Variants in NXPH1 observed in about 807,000 individuals in gnomAD.
NXPH1 encodes neurexophilin 1, also known as neurexophilin-1.
Under a neutral mutation model 23.7 loss-of-function variants are expected in NXPH1, and 5 were observed. The ratio of observed to expected loss-of-function variants is 0.21; its 90% CI spans 0.11 to 0.44. The LOEUF (loss-of-function observed/expected upper bound fraction) is 0.44. Among genes scored for constraint, NXPH1 ranks in the 20% least tolerant of loss-of-function variants. The pLI, the probability that NXPH1 is intolerant of heterozygous loss-of-function variation, is 0.99. For synonymous variants in NXPH1, 144 were observed against 122.2 expected (o/e 1.18, Z -1.18); for missense variants, 324 against 321.6 (o/e 1.01, Z -0.06).
chr7:8,600,044 G>A (rs898221700), intron 2 of NXPH1, among the ~76,000 whole-genome samples: 1 of 151,920 alleles, frequency 6.6e-6, no homozygotes, highest in Non-Finnish European at 1.5e-5. Context: ...CGTTGGTGGA[G>A]GGTATTTTCC....
At chr7:8,540,815 C>T (rs192006152) in intron 2 of NXPH1, among the ~76,000 whole-genome samples, 1 of 151,816 alleles carries the variant, frequency 6.6e-6, no homozygotes, top group Admixed American at 6.6e-5. Context: ...TTGAAAACCT[C>T]ATGATTCATG....
chr7:8,584,238 G>T (rs1192694145), intron 2 of NXPH1, among the ~76,000 whole-genome samples: 2 of 152,116 alleles, frequency 1.3e-5, no homozygotes, highest in Non-Finnish European at 2.9e-5. Flanking sequence ...TAGATAGTCA[G>T]ACTGTAGAGC....
At chr7:8,474,587 C>G (rs1046626801) in intron 2 of NXPH1, among the ~76,000 whole-genome samples, 2 of 152,124 alleles carry the variant, frequency 1.3e-5, no homozygotes, top group Non-Finnish European at 2.9e-5. Context: ...GGTTGATGCT[C>G]TGCAAACTAC....
chr7:8,686,494 C>T (rs1030643318), intron 2 of NXPH1, among the ~76,000 whole-genome samples: 2 of 151,990 alleles, frequency 1.3e-5, no homozygotes, highest in South Asian at 4.1e-4. Flanking sequence ...AATATAGTGC[C>T]TGGTTTTGTT....
In NXPH1 at chr7:8,751,278, A is replaced by G. The variant is rs752863874; in HGVS notation, c.325A>G (p.Ile109Val). 4 of 1,613,934 alleles carry G rather than the reference A, an allele frequency of 2.5e-6. No homozygotes were observed. Among genetic ancestry groups the G allele is most frequent in the Non-Finnish European group, 1.7e-6 (2 of 1,179,842 alleles). Reference protein sequence around the residue: ...EPRPRAKRRPIVKTGKFKKMF... With the variant: ...EPRPRAKRRPVVKTGKFKKMF... ...TCGGCCCAGGGCCAAGAGAAGGCCC[A>G]TTGTTAAAACGGGCAAGTTTAAGAA... The change falls in exon 3 of 3, where the codon ATT becomes GTT. Residue 109 changes from isoleucine to valine, a missense_variant. By Grantham distance (29) the Ile-to-Val change is conservative. Coordinates refer to ENST00000405863, the MANE Select transcript of NXPH1 (RefSeq NM_152745.3). This position sits in a 1 kb window ranked among gnomAD's most constrained non-coding sequence, Gnocchi z 4.5.
At chr7:8,551,512 C>T (rs749614085) in intron 2 of NXPH1, among the ~76,000 whole-genome samples, 13 of 151,302 alleles carry the variant, frequency 8.6e-5, no homozygotes, top group Non-Finnish European at 1.5e-4. Context: ...TTATATATAA[C>T]GCAGAATTAT....
intron 2 of NXPH1, among the ~76,000 whole-genome samples, chr7:8,689,582 C>G (rs568987878): frequency 6.6e-6 from 1 of 152,044 alleles, no homozygotes; most frequent in East Asian, 1.9e-4. Context: ...GAACGGAGGC[C>G]TTTGGTAGAA....
chr7:8,440,678 G>C (rs1563310835), intron 2 of NXPH1, among the ~76,000 whole-genome samples: 1 of 151,910 alleles, frequency 6.6e-6, no homozygotes, highest in Non-Finnish European at 1.5e-5. Flanking sequence ...TTTCGAAAGG[G>C]CATTTGAGTG....
rs902794749 is a variant in NXPH1, at chr7:8,460,645, T to A, written c.54+24878T>A. ...TGATCCCTCTAGATGAGTAGAAAGTTAGGGGAAATAAGCCAACAGTGTTTT... is the reference window on the plus strand; with the variant it reads ...TGATCCCTCTAGATGAGTAGAAAGTAAGGGGAAATAAGCCAACAGTGTTTT... On this transcript the variant is annotated intron_variant, in intron 2 of 2. Coordinates refer to ENST00000405863, the MANE Select transcript of NXPH1 (RefSeq NM_152745.3). 2.8e-4 allele frequency among the ~76,000 whole-genome samples: 43 copies of A among 152,182 alleles called. 1 individual carries two copies. The highest frequency in any genetic ancestry group is 8.7e-4 in the African/African-American group (36 of 41,444).
At chr7:8,691,429 G>C (rs113174568) in intron 2 of NXPH1, among the ~76,000 whole-genome samples, 4 of 152,274 alleles carry the variant, frequency 2.6e-5, no homozygotes, top group Admixed American at 1.3e-4. Context: ...GATCATAGGC[G>C]TGAGCCATTG....
At chr7:8,744,726 C>T (rs566470102) in intron 2 of NXPH1, among the ~76,000 whole-genome samples, 90 of 152,296 alleles carry the variant, frequency 5.9e-4, no homozygotes, top group African/African-American at 2.0e-3. Context: ...TTCCAGCCAA[C>T]TTGTTACCAC....
At chr7:8,450,334 A>G (rs894194069) in intron 2 of NXPH1, among the ~76,000 whole-genome samples, 1 of 152,238 alleles carries the variant, frequency 6.6e-6, no homozygotes, top group Non-Finnish European at 1.5e-5. Context: ...CTCTTTTTAA[A>G]TTAAAATATT....
chr7:8,474,826 C>A (rs969538302), intron 2 of NXPH1, among the ~76,000 whole-genome samples: 2 of 152,118 alleles, frequency 1.3e-5, no homozygotes, highest in African/African-American at 4.8e-5. Flanking sequence ...TTATCCACTT[C>A]CCACTGGCTT....
At chr7:8,650,128 GA>G (rs1820467630) in intron 2 of NXPH1, among the ~76,000 whole-genome samples, 1 of 152,096 alleles carries the variant, frequency 6.6e-6, no homozygotes, top group African/African-American at 2.4e-5. Flanking sequence ...TTGATTTAGA[GA>G]AAAAATAGTC....
At chr7:8,510,674 CAT>C (rs1369493076) in intron 2 of NXPH1, among the ~76,000 whole-genome samples, 3 of 152,040 alleles carry the variant, frequency 2.0e-5, no homozygotes, top group African/African-American at 7.2e-5. Context: ...AATACATAGT[CAT>C]ATAATGTATA....
At chr7:8,681,507 G>A (rs1821048330) in intron 2 of NXPH1, among the ~76,000 whole-genome samples, 1 of 152,062 alleles carries the variant, frequency 6.6e-6, no homozygotes, top group South Asian at 2.1e-4. Flanking sequence ...TTGGAACTGT[G>A]CCACTGCCCT....
chr7:8,555,222 G>C (rs1331219858), intron 2 of NXPH1, among the ~76,000 whole-genome samples: 5 of 151,706 alleles, frequency 3.3e-5, no homozygotes, highest in Non-Finnish European at 1.5e-5. Context: ...AGTCCAGTGG[G>C]AGTTATTTTC....
At chr7:8,455,627 G>A (rs560918172) in intron 2 of NXPH1, among the ~76,000 whole-genome samples, 2 of 152,262 alleles carry the variant, frequency 1.3e-5, no homozygotes, top group South Asian at 4.1e-4. Context: ...TTCCCAGAAA[G>A]GATCAGAATT....
intron 2 of NXPH1, among the ~76,000 whole-genome samples, chr7:8,652,738 T>G (rs974435404): frequency 1.1e-4 from 17 of 152,274 alleles, no homozygotes; most frequent in Non-Finnish European, 1.8e-4. Flanking sequence ...ACAGGTATCT[T>G]AGGTTGTTGT....
Sources: gnomAD v4.1 joint callset for allele counts (sites outside exome capture counted in the v4.1 genomes callset) on GRCh38, gnomAD v4.1.1 for gene constraint, Gnocchi (gnomAD v3.1) non-coding constraint, MANE v1.5 for transcripts, NCBI Gene and HGNC (gene_info 2026-07-23, HGNC 2026-07-21) for gene names.